The following GYS2 variants were observed in gnomAD, a reference collection of about 807,000 sequenced individuals.
The protein encoded by GYS2 is glycogen [starch] synthase, liver.
A neutral mutation model predicts 85.6 loss-of-function variants in GYS2; 80 were observed. That is an observed-to-expected ratio of 0.93 (90% CI 0.78 to 1.13). GYS2 has a LOEUF of 1.13. GYS2 is among the 50% of genes most tolerant of loss of function. The pLI, the probability that GYS2 is intolerant of heterozygous loss-of-function variation, is 0.00. For missense variants in GYS2, 881 were observed against 854.9 expected (o/e 1.03, Z -0.38); for synonymous variants, 328 against 300.7 (o/e 1.09, Z -0.94).
intron 1 of GYS2, among the ~76,000 whole-genome samples, chr12:21,581,608 C>T (rs12811627): frequency 3.3e-5 from 5 of 152,016 alleles, no homozygotes; most frequent in African/African-American, 4.8e-5. Flanking sequence ...ACACTAGAAT[C>T]GTTCCTTAAT....
At chr12:21,533,160 G>A (rs529454901), downstream of GYS2, among the ~76,000 whole-genome samples, 2 of 152,286 alleles carry the variant, frequency 1.3e-5, no homozygotes, top group South Asian at 4.2e-4. Context: ...TTTCTGCACA[G>A]TTCTCATTGC....
At chr12:21,600,449 T>TG (rs1944743335) in intron 1 of GYS2, among the ~76,000 whole-genome samples, 1 of 151,714 alleles carries the variant, frequency 6.6e-6, no homozygotes, top group African/African-American at 2.4e-5. Flanking sequence ...TTAAAAGTGG[T>TG]GGGGGGTAGG....
intron 4 of GYS2, among the ~76,000 whole-genome samples, chr12:21,571,424 T>TA (rs1433697703): frequency 6.6e-6 from 1 of 152,242 alleles, no homozygotes; most frequent in Non-Finnish European, 1.5e-5. Flanking sequence ...ATATATCTCA[T>TA]AGTTTTTTAT....
intron 11 of GYS2, 23 bp downstream of exon 11, chr12:21,558,177 G>A (rs7977474): frequency 7.6e-7 from 1 of 1,323,468 alleles, no homozygotes. Flanking sequence ...TTTAAAGTTC[G>A]CCACATGAAC....
chr12:21,585,963 G>T (rs975963413), intron 1 of GYS2, among the ~76,000 whole-genome samples: 5 of 152,148 alleles, frequency 3.3e-5, no homozygotes, highest in Non-Finnish European at 7.4e-5. Flanking sequence ...GATAATGTAT[G>T]ACCTCAGGGG....
rs886561347 is a variant in GYS2 at position 21,536,197 on chromosome 12, T to C, written c.*757A>G. ...GGCATTACCAGTGAAAGTTAAGTTA[T>C]TAAATATTAATGTGTTTATTTACTT... On this transcript the variant is annotated 3_prime_UTR_variant, in exon 16 of 16. Transcript: ENST00000261195. 1.8e-4 allele frequency: 27 copies of C among 152,238 alleles called. No individual in the cohort carries two copies. The highest frequency in any genetic ancestry group is 6.0e-4 in the African/African-American group (25 of 41,472). The allele number at this position is 152,238 out of a possible 1,614,324, so 9.4% of individuals were successfully genotyped here. A position where few individuals can be genotyped will look rare whatever the true frequency, so the allele number is the denominator to read the frequency against.
downstream of GYS2, among the ~76,000 whole-genome samples, chr12:21,534,156 A>G (rs1303116966): frequency 6.6e-6 from 1 of 152,212 alleles, no homozygotes; most frequent in Non-Finnish European, 1.5e-5. Flanking sequence ...AAAGCAACAC[A>G]CAGTACACTC....
intron 11 of GYS2, among the ~76,000 whole-genome samples, chr12:21,547,036 C>T (rs1944050353): frequency 6.6e-6 from 1 of 152,174 alleles, no homozygotes; most frequent in Non-Finnish European, 1.5e-5. Flanking sequence ...ACATACTTGC[C>T]TGCTTCTTTC....
chr12:21,542,555 G>T lies in GYS2; in HGVS notation c.1586C>A (p.Thr529Lys), dbSNP rs767931998. The change falls in exon 13 of 16, where the codon ACG (threonine) becomes AAG (lysine). Residue 529 changes from threonine to lysine, a missense_variant. Physicochemically the swap from Thr to Lys is moderately conservative, Grantham distance 78 (BLOSUM62 -1). Transcript: ENST00000261195. ...CTVMGIPSVT[T>K]NLSGFGCFMQ... is the part of the protein sequence containing the mutation. ...GAAACAGCCAAACCCGGAGAGATTCGTGGTCACACTGGGGATACCCATCAC... is the reference window on the plus strand; with the variant it reads ...GAAACAGCCAAACCCGGAGAGATTCTTGGTCACACTGGGGATACCCATCAC... The T allele has an allele frequency of 2.5e-6, 4 of 1,613,616 alleles. No individual in the cohort carries two copies. Among genetic ancestry groups the T allele is most frequent in the Non-Finnish European group, 3.4e-6 (4 of 1,179,628 alleles).
chr12:21,604,510 A>G lies in GYS2; in HGVS notation c.83T>C (p.Leu28Ser), dbSNP rs1944785258. The G allele has an allele frequency of 1.2e-6, 2 of 1,612,500 alleles. No homozygotes were observed. The highest frequency in any genetic ancestry group is 1.3e-5 in the African/African-American group (1 of 74,870). Residue 28 changes from leucine (L) to serine (S), a missense_variant, in exon 1 of 16, where the codon TTA becomes TCA. Physicochemically the swap from Leu to Ser is moderately radical, Grantham distance 145 (BLOSUM62 -2). Transcript: ENST00000261195. ...WEVEELPVEE[L>S]LLFEVAWEVT... is the part of the protein sequence containing the mutation. Reference sequence around the variant, plus strand: ...TTCCCAAGCAACTTCAAAGAGCAGTAACTCCTCCACAGGAAGTTCTTCGAC... The same window carrying G: ...TTCCCAAGCAACTTCAAAGAGCAGTGACTCCTCCACAGGAAGTTCTTCGAC...
intron 1 of GYS2, among the ~76,000 whole-genome samples, chr12:21,599,501 T>C (rs993010034): frequency 2.0e-5 from 3 of 152,174 alleles, no homozygotes; most frequent in Non-Finnish European, 2.9e-5. Flanking sequence ...AAATATTTTA[T>C]ATGAAAGGGG....
intron 3 of GYS2, 60 bp downstream of exon 3, chr12:21,575,806 C>T: frequency 7.9e-7 from 1 of 1,266,154 alleles, no homozygotes; most frequent in South Asian, 1.2e-5. Flanking sequence ...TGGGATCATT[C>T]TTGGGCACTG....
rs74066720 is a variant in GYS2 at position 21,576,765 on chromosome 12, C to T, written c.304-708G>A. On this transcript the variant is annotated intron_variant, in intron 2 of 15. Coordinates refer to ENST00000261195, the MANE Select transcript of GYS2 (RefSeq NM_021957.4). ...TTTTCCAGTTGTATGTATATCATCA[C>T]TTGCATATCCAAGTTTTAACTTCCT... 4.9e-3 allele frequency among the ~76,000 whole-genome samples: 750 copies of T among 152,256 alleles called. 15 individuals carry two copies. Among genetic ancestry groups the T allele is most frequent in the African/African-American group, 0.017 (717 of 41,532 alleles).
intron 2 of GYS2, among the ~76,000 whole-genome samples, chr12:21,577,665 T>C (rs1364640874): frequency 1.3e-5 from 2 of 152,206 alleles, no homozygotes; most frequent in African/African-American, 2.4e-5. Context: ...TTGTAAATTA[T>C]GCATTCCACT....
chr12:21,539,412 C>G (rs1943946955), intron 14 of GYS2, 74 bp from the exon 15 acceptor site: 1 of 821,438 alleles, frequency 1.2e-6, no homozygotes, highest in Non-Finnish European at 2.1e-6. Flanking sequence ...TTAAATAAGG[C>G]CTTATTCTCC....
chr12:21,543,152 G>A (rs893610377), intron 12 of GYS2, among the ~76,000 whole-genome samples: 3 of 152,066 alleles, frequency 2.0e-5, no homozygotes, highest in South Asian at 4.1e-4. Context: ...TGTTTTCCAG[G>A]AAATAACTGA....
chr12:21,574,777 T>C (rs1238358917), intron 3 of GYS2, among the ~76,000 whole-genome samples: 2 of 152,054 alleles, frequency 1.3e-5, no homozygotes, highest in Non-Finnish European at 2.9e-5. Flanking sequence ...CTTGTGTTTA[T>C]TTATAGTATA....
At chr12:21,552,023 G>C (rs1944117170) in intron 11 of GYS2, among the ~76,000 whole-genome samples, 1 of 152,106 alleles carries the variant, frequency 6.6e-6, no homozygotes, top group African/African-American at 2.4e-5. Flanking sequence ...AGCTGCTCTG[G>C]CTCTAAACCA....
chr12:21,577,151 T>A (rs1944455717), intron 2 of GYS2, among the ~76,000 whole-genome samples: 1 of 152,160 alleles, frequency 6.6e-6, no homozygotes, highest in Admixed American at 6.6e-5. Context: ...GTTTCCATTA[T>A]AATTTAGTGT....
Sources: allele counts gnomAD v4.1 joint callset (sites outside exome capture counted in the v4.1 genomes callset), GRCh38; gene constraint gnomAD v4.1.1; transcripts MANE v1.5; gene names NCBI Gene and HGNC (gene_info 2026-07-23, HGNC 2026-07-21).